The following PTPRN2 variants were observed in gnomAD, a reference collection of about 807,000 sequenced individuals.
The protein encoded by PTPRN2 is protein tyrosine phosphatase receptor type N2, also known as receptor-type tyrosine-protein phosphatase N2.
Under a neutral mutation model 118.8 loss-of-function variants are expected in PTPRN2, and 74 were observed. The ratio of observed to expected loss-of-function variants is 0.62; its 90% confidence interval spans 0.52 to 0.76. PTPRN2 has a LOEUF of 0.76. Among genes scored for constraint, PTPRN2 ranks in the 30% least tolerant of loss-of-function variants. The pLI is 0.00. For synonymous variants in PTPRN2, 641 were observed against 608.0 expected (o/e 1.05, Z -0.80); for missense variants, 1,481 against 1,394.4 (o/e 1.06, Z -0.99).
intron 6 of PTPRN2, among the ~76,000 whole-genome samples, chr7:158,139,810 A>G (rs1819203081): frequency 6.6e-6 from 1 of 152,246 alleles, no homozygotes; most frequent in Non-Finnish European, 1.5e-5. Flanking sequence ...AGAGTCAGGC[A>G]TTTGACGTTA....
intron 3 of PTPRN2, among the ~76,000 whole-genome samples, chr7:158,268,396 C>T (rs993824107): frequency 7.9e-5 from 11 of 138,880 alleles, no homozygotes; most frequent in African/African-American, 1.1e-4. Flanking sequence ...CCCAGCCGCA[C>T]GCACACAGGG....
In PTPRN2 at chr7:158,574,494, G is replaced by A. The variant is rs1828217826; in HGVS notation, c.112+13064C>T. ...GCCATCAGACACTGAGACACTGAGA[G>A]GAGGGGCCACAAGGGGGATGAGGCA... On this transcript the variant is annotated intron_variant, in intron 1 of 22. Transcript: ENST00000389418. The surrounding 1 kb of genome is among the most constrained non-coding windows in gnomAD (Gnocchi z 4.6). Among the ~76,000 whole-genome samples the A allele has an allele frequency of 1.3e-5, 2 of 152,176 alleles. No individual in the cohort carries two copies. The highest frequency in any genetic ancestry group is 4.8e-5 in the African/African-American group (2 of 41,448).
At chr7:158,409,080 G>A (rs1000695024) in intron 2 of PTPRN2, among the ~76,000 whole-genome samples, 4 of 151,546 alleles carry the variant, frequency 2.6e-5, no homozygotes, top group South Asian at 2.1e-4. Context: ...TATCATTTTC[G>A]TAACACCCTG....
intron 3 of PTPRN2, among the ~76,000 whole-genome samples, chr7:158,288,942 G>A (rs1387961601): frequency 1.3e-5 from 2 of 152,242 alleles, no homozygotes; most frequent in African/African-American, 2.4e-5. Context: ...GCTTTGCCAA[G>A]TACAGTATTC....
intron 10 of PTPRN2, among the ~76,000 whole-genome samples, chr7:158,098,161 C>T (rs1456251911): frequency 6.6e-6 from 1 of 152,222 alleles, no homozygotes; most frequent in Non-Finnish European, 1.5e-5. Flanking sequence ...CACGCAGGCA[C>T]CAGAACTCAA....
chr7:157,896,092 C>T (rs1431676257), intron 12 of PTPRN2, among the ~76,000 whole-genome samples: 2 of 150,828 alleles, frequency 1.3e-5, no homozygotes, highest in Admixed American at 1.3e-4. Context: ...ACGGGAGGAG[C>T]TGGGAAGATG....
chr7:158,062,451 C>A (rs961644930), intron 11 of PTPRN2, among the ~76,000 whole-genome samples: 1 of 152,240 alleles, frequency 6.6e-6, no homozygotes, highest in Non-Finnish European at 1.5e-5. Context: ...ACCTCCTTGG[C>A]CTTGGCGCCC....
At chr7:158,424,482 T>C (rs565835934) in intron 2 of PTPRN2, among the ~76,000 whole-genome samples, 1 of 151,522 alleles carries the variant, frequency 6.6e-6, no homozygotes, top group African/African-American at 2.4e-5. Flanking sequence ...CCACCGGAGA[T>C]GAATATTAGT....
chr7:157,970,520 C>T (rs1162161827), intron 11 of PTPRN2, among the ~76,000 whole-genome samples: 5 of 152,154 alleles, frequency 3.3e-5, no homozygotes, highest in South Asian at 2.1e-4. Flanking sequence ...ACGCTGATGG[C>T]GTCCTCACCA....
chr7:158,514,283 A>G (rs1219857363), intron 1 of PTPRN2, among the ~76,000 whole-genome samples: 2 of 152,168 alleles, frequency 1.3e-5, no homozygotes, highest in African/African-American at 2.4e-5. Flanking sequence ...TCGTTTATCA[A>G]TGAGGAGGGA....
chr7:158,346,236 T>G (rs1586410580), intron 2 of PTPRN2, among the ~76,000 whole-genome samples: 1 of 152,348 alleles, frequency 6.6e-6, no homozygotes, highest in East Asian at 1.9e-4. Context: ...CACTGTACAA[T>G]CGAACTCAAA....
chr7:158,043,258 C>G (rs1193531547), intron 11 of PTPRN2, among the ~76,000 whole-genome samples: 1 of 152,206 alleles, frequency 6.6e-6, no homozygotes, highest in Non-Finnish European at 1.5e-5. Context: ...TTCCTCTAAT[C>G]TAAGGGAGCA....
At chr7:158,541,326 AC>A in intron 1 of PTPRN2, 1 of 773,092 alleles carries the variant, frequency 1.3e-6, no homozygotes, top group Non-Finnish European at 1.8e-6. Flanking sequence ...CATTTAGTGC[AC>A]TGAGTTTTGA....
rs575347263 is a variant in PTPRN2 at position 158,116,068 on chromosome 7, T to G, written c.1557-5153A>C. Among the ~76,000 whole-genome samples, 375 of 152,344 alleles carry G rather than the reference T, an allele frequency of 2.5e-3. 2 individuals carry two copies. Among genetic ancestry groups the G allele is most frequent in the Non-Finnish European group, 4.3e-3 (291 of 68,032 alleles). On this transcript the variant is annotated intron_variant, in intron 9 of 22. Coordinates refer to ENST00000389418, the MANE Select transcript of PTPRN2 (RefSeq NM_002847.5). ...GACCTCACCCACGTGGGGTAGGCTT[T>G]GGCTACTGCACCATGCACCTCTCCC... is the stretch of plus-strand genomic sequence containing the variant.
In PTPRN2 at chr7:157,621,427, T is replaced by C. The variant is rs187522161; in HGVS notation, c.2279A>G (p.Asn760Ser). The part of the protein sequence containing the change: ...EALCAYQAEP[N>S]SSFVAQREEN... The stretch of plus-strand genomic sequence containing the variant: ...CTCCCTCTGGGCCACGAACGAGCTG[T>C]TGGGCTCCGCCTGGTAGGCGCACAG... Residue 760 changes from asparagine (N) to serine (S), a missense_variant, in exon 15 of 23, where the codon AAC becomes AGC. Physicochemically the swap from Asn to Ser is conservative, Grantham distance 46. This residue lies in a region of PTPRN2 where 362 missense variants were observed against 384.1 expected (regional missense o/e 0.94). Transcript: ENST00000389418. 5 of 1,613,774 alleles carry C rather than the reference T, an allele frequency of 3.1e-6. No homozygotes were observed. In the East Asian group the frequency reaches 1.1e-4, roughly 36 times the overall value.
Position 158,071,263 on chromosome 7 carries a change from TGGTGGTGGAGGTG to T in PTPRN2, c.1723+10022_1723+10034del, listed in dbSNP as rs1481608999. ...GGTGCTCGTAGTATGGAGGTGCCCG[TGGTGGTGGAGGTG>T]CCCGTGGTGGTGGAGGTGCTCGTGG... On this transcript the variant is annotated intron_variant, in intron 11 of 22. Coordinates refer to ENST00000389418, the MANE Select transcript of PTPRN2 (RefSeq NM_002847.5). 1.4e-4 allele frequency among the ~76,000 whole-genome samples: 7 copies of T among 49,122 alleles called. 1 individual carries two copies. Among genetic ancestry groups the T allele is most frequent in the Admixed American group, 2.9e-4 (1 of 3,430 alleles). The allele number at this position is 49,122 out of a possible 152,430, so 32.2% of individuals were successfully genotyped here. A position where few individuals can be genotyped will look rare whatever the true frequency, so the allele number is the denominator to read the frequency against.
chr7:157,968,559 G>A (rs1429603049), intron 11 of PTPRN2, among the ~76,000 whole-genome samples: 3 of 152,186 alleles, frequency 2.0e-5, no homozygotes, highest in East Asian at 1.9e-4. Context: ...AGGCTCGAAC[G>A]CTGGAGCCGC....
intron 2 of PTPRN2, among the ~76,000 whole-genome samples, chr7:158,450,021 G>A (rs1817991837): frequency 6.6e-6 from 1 of 152,184 alleles, no homozygotes. Context: ...CTGGAAGTCT[G>A]GGATGGGGGT....
At chr7:157,782,006 G>A (rs1017202953) in intron 12 of PTPRN2, among the ~76,000 whole-genome samples, 2 of 152,226 alleles carry the variant, frequency 1.3e-5, no homozygotes, top group African/African-American at 2.4e-5. Flanking sequence ...TGCCACAGAC[G>A]GGAGTAGGTT....
Sources: gnomAD v4.1 joint callset for allele counts (sites outside exome capture counted in the v4.1 genomes callset) on GRCh38, gnomAD v4.1.1 for gene constraint, gnomAD v4.1.1 regional missense constraint, Gnocchi (gnomAD v3.1) non-coding constraint, MANE v1.5 for transcripts, NCBI Gene and HGNC (gene_info 2026-07-23, HGNC 2026-07-21) for gene names.